Variants in SLC24A3 observed in about 807,000 individuals in gnomAD.
The protein encoded by SLC24A3 is solute carrier family 24 member 3, also known as sodium/potassium/calcium exchanger 3.
A neutral mutation model predicts 75.8 loss-of-function variants in SLC24A3; 28 were observed. The ratio of observed to expected loss-of-function variants is 0.37; its 90% confidence interval spans 0.27 to 0.51. SLC24A3 has a LOEUF of 0.51. Among genes scored for constraint, SLC24A3 ranks in the 20% least tolerant of loss-of-function variants. SLC24A3 has a pLI of 0.94. For synonymous variants in SLC24A3, 372 were observed against 334.1 expected, an observed-to-expected ratio of 1.11 and a Z score of -1.24; for missense variants, 663 against 847.8, an observed-to-expected ratio of 0.78 and a Z score of 2.71.
In SLC24A3 at chr20:19,478,464, G is replaced by T. The variant is rs767710221; in HGVS notation, c.272-37024G>T. On this transcript the variant is annotated intron_variant, in intron 2 of 16. Transcript: ENST00000328041. Reference sequence around the variant, plus strand: ...TAGGTACATCCTCTTCTTTTGAGGGGAGCTTTTCTGAAGTGTAACCTCAAA... The same window carrying T: ...TAGGTACATCCTCTTCTTTTGAGGGTAGCTTTTCTGAAGTGTAACCTCAAA... Among the ~76,000 whole-genome samples the T allele has an allele frequency of 1.1e-4, 16 of 152,242 alleles. No individual in the cohort carries two copies. In the South Asian group the frequency reaches 2.1e-3, roughly 20 times the overall value.
intron 2 of SLC24A3, among the ~76,000 whole-genome samples, chr20:19,311,472 C>T (rs138237622): frequency 2.6e-5 from 4 of 152,194 alleles, no homozygotes; most frequent in East Asian, 3.9e-4. Flanking sequence ...GGATCACATG[C>T]GGAAGGTAGT....
chr20:19,664,254 G>C (rs1048150324), intron 7 of SLC24A3, among the ~76,000 whole-genome samples: 1 of 152,144 alleles, frequency 6.6e-6, no homozygotes, highest in Admixed American at 6.5e-5. Context: ...AAGTTGGGGG[G>C]GTTATACAAA....
intron 2 of SLC24A3, among the ~76,000 whole-genome samples, chr20:19,344,996 A>G (rs924683057): frequency 6.6e-6 from 1 of 152,246 alleles, no homozygotes; most frequent in African/African-American, 2.4e-5. Context: ...TAGTGAGACC[A>G]GAAAAGCAAA....
chr20:19,285,681 C>T (rs1045966741), intron 2 of SLC24A3, among the ~76,000 whole-genome samples: 6 of 148,982 alleles, frequency 4.0e-5, no homozygotes, highest in African/African-American at 1.3e-4. Context: ...CTGACACTGC[C>T]GACTTCATCT....
At chr20:19,654,243 C>T (rs991605505) in intron 7 of SLC24A3, 107 bp downstream of exon 7, 11 of 947,024 alleles carry the variant, frequency 1.2e-5, no homozygotes, top group East Asian at 2.4e-5. Flanking sequence ...GTGGCGAGTG[C>T]GAGATGCATG....
intron 2 of SLC24A3, among the ~76,000 whole-genome samples, chr20:19,307,806 A>C (rs1279508392): frequency 6.6e-6 from 1 of 152,202 alleles, no homozygotes; most frequent in Non-Finnish European, 1.5e-5. Flanking sequence ...GCAACCAAAA[A>C]AAAGTGTCTT....
chr20:19,611,815 A>C (rs2031674006), intron 6 of SLC24A3, among the ~76,000 whole-genome samples: 1 of 152,162 alleles, frequency 6.6e-6, no homozygotes, highest in South Asian at 2.1e-4. Context: ...AGGTTCCTGC[A>C]TGGCTGAGTC....
chr20:19,567,620 A>G (rs986727947), intron 3 of SLC24A3, among the ~76,000 whole-genome samples: 4 of 152,204 alleles, frequency 2.6e-5, no homozygotes, highest in South Asian at 2.1e-4. Context: ...CAGTTTACCC[A>G]TGTAACAAGC....
intron 3 of SLC24A3, among the ~76,000 whole-genome samples, chr20:19,525,307 G>T (rs1375595041): frequency 6.6e-6 from 1 of 152,158 alleles, no homozygotes; most frequent in African/African-American, 2.4e-5. Flanking sequence ...AGCTACAGGA[G>T]CCAAGACAGC....
At chr20:19,279,306 C>T (rs1260313030) in intron 1 of SLC24A3, among the ~76,000 whole-genome samples, 2 of 152,222 alleles carry the variant, frequency 1.3e-5, no homozygotes, top group South Asian at 2.1e-4. Context: ...TTTCCGCCCG[C>T]GGCAACTTTG....
rs143168008 is a variant in SLC24A3, at chr20:19,614,911, G to A, written c.612+29367G>A. 3.0e-4 allele frequency among the ~76,000 whole-genome samples: 46 copies of A among 152,234 alleles called. No individual in the cohort carries two copies. In the East Asian group the frequency reaches 6.9e-3, roughly 23 times the overall value. The stretch of plus-strand genomic sequence containing the variant: ...CCAAATTGAAATTTGCTGGTGGGAC[G>A]TGTGTGTGTGGGTATGTGTGCACTG... On this transcript the variant is annotated intron_variant, in intron 6 of 16. Transcript: ENST00000328041.
At chr20:19,507,084 G>A (rs143895816) in intron 2 of SLC24A3, among the ~76,000 whole-genome samples, 148 of 152,278 alleles carry the variant, frequency 9.7e-4, no homozygotes, top group Non-Finnish European at 1.8e-3. Context: ...ATTAAGTTAT[G>A]CATTTATGTA....
chr20:19,700,217 A>T (rs565294494), intron 15 of SLC24A3, among the ~76,000 whole-genome samples: 1 of 152,222 alleles, frequency 6.6e-6, no homozygotes, highest in South Asian at 2.1e-4. Flanking sequence ...CCAACACGGG[A>T]TTGGTTTTTT....
chr20:19,333,076 A>C lies in SLC24A3; in HGVS notation c.271+51989A>C, dbSNP rs1316204894. Among the ~76,000 whole-genome samples, 4 of 152,092 alleles carry C rather than the reference A, an allele frequency of 2.6e-5. No individual in the cohort carries two copies. In the East Asian group the frequency reaches 7.7e-4, roughly 29 times the overall value. On this transcript the variant is annotated intron_variant, in intron 2 of 16. Coordinates refer to ENST00000328041, the MANE Select transcript of SLC24A3 (RefSeq NM_020689.4). ...CTGCCAGAAACTGGGAGGGCCAGGG[A>C]AGTGTCCTTCAAAGCTGTGAGTGAT...
intron 6 of SLC24A3, among the ~76,000 whole-genome samples, chr20:19,625,444 T>G (rs985011984): frequency 1.3e-5 from 2 of 152,206 alleles, no homozygotes; most frequent in Non-Finnish European, 2.9e-5. Flanking sequence ...GCTTGCCCTG[T>G]CTTGATGAGA....
intron 4 of SLC24A3, among the ~76,000 whole-genome samples, chr20:19,583,550 G>A (rs1229009062): frequency 1.3e-5 from 2 of 152,174 alleles, no homozygotes; most frequent in Non-Finnish European, 2.9e-5. Flanking sequence ...TGGGGATGAT[G>A]GAGGGGTATA....
intron 1 of SLC24A3, among the ~76,000 whole-genome samples, chr20:19,277,527 C>G (rs940011176): frequency 1.3e-5 from 2 of 152,158 alleles, no homozygotes; most frequent in Admixed American, 1.3e-4. Flanking sequence ...ATAATATTGT[C>G]AAACTTGGTT....
At chr20:19,592,801 T>TC (rs2031397270) in intron 6 of SLC24A3, among the ~76,000 whole-genome samples, 1 of 147,432 alleles carries the variant, frequency 6.8e-6, no homozygotes, top group South Asian at 2.2e-4. Context: ...TTCTTTCTTT[T>TC]TTTTTTTTTT....
intron 2 of SLC24A3, among the ~76,000 whole-genome samples, chr20:19,448,246 C>A (rs1206086891): frequency 6.6e-6 from 1 of 152,216 alleles, no homozygotes; most frequent in African/African-American, 2.4e-5. Context: ...CGATTATTTT[C>A]GCATTACTAA....
Sources: allele counts gnomAD v4.1 joint callset (sites outside exome capture counted in the v4.1 genomes callset), GRCh38; gene constraint gnomAD v4.1.1; transcripts MANE v1.5; gene names NCBI Gene and HGNC (gene_info 2026-07-23, HGNC 2026-07-21).